The following NBPF9 variants were observed in gnomAD, a reference collection of about 807,000 sequenced individuals.
The protein encoded by NBPF9 is NBPF family member NBPF9.
A neutral mutation model predicts 97.8 loss-of-function variants in NBPF9; 91 were observed. The observed-to-expected ratio is 0.93, with a 90% CI of 0.79 to 1.11. The LOEUF (loss-of-function observed/expected upper bound fraction) is 1.11, where lower values mean the gene tolerates loss of function less well. Among genes scored for constraint, NBPF9 ranks in the 50% least tolerant of loss-of-function variants. The pLI is 0.00. For missense variants in NBPF9, 992 were observed against 939.5 expected (o/e 1.06, Z -0.73); for synonymous variants, 334 against 359.5 (o/e 0.93, Z 0.80).
intron 5 of NBPF9, among the ~76,000 whole-genome samples, chr1:149,089,669 C>T (rs1450292118): frequency 1.3e-5 from 2 of 152,312 alleles, no homozygotes; most frequent in Admixed American, 1.3e-4. Flanking sequence ...AGTCTGTGCT[C>T]ATATTCGGAA....
rs2080674606 is a variant in NBPF9 at position 149,083,154 on chromosome 1, T to C, written c.-194-724A>G. ...GTATATATGCCACTAATTTGTTTGA[T>C]TGTGTTTTTCCCTTGTTTCATTTTG... On this transcript the variant is annotated intron_variant, in intron 5 of 29. Transcript: ENST00000584027. Among the ~76,000 whole-genome samples the C allele has an allele frequency of 3.3e-5, 5 of 149,308 alleles. No individual in the cohort carries two copies. In the South Asian group the frequency reaches 8.7e-4, roughly 26 times the overall value.
At chr1:149,088,130 C>T (rs2081165144) in intron 5 of NBPF9, among the ~76,000 whole-genome samples, 1 of 152,276 alleles carries the variant, frequency 6.6e-6, no homozygotes, top group Non-Finnish European at 1.5e-5. Flanking sequence ...GGTGCCCAGT[C>T]TGTTGAATTT....
At chr1:149,077,114 AAACAAT>A in intron 11 of NBPF9, 88 bp downstream of exon 11, 2 of 735,550 alleles carry the variant, frequency 2.7e-6, no homozygotes, top group Non-Finnish European at 4.6e-6. Context: ...TTTCTGACTA[AAACAAT>A]AACAATATGT....
chr1:149,077,848 C>T (rs782583760), intron 10 of NBPF9, 35 bp downstream of exon 10: 3 of 1,593,406 alleles, frequency 1.9e-6, no homozygotes, highest in Non-Finnish European at 2.6e-6. Context: ...TCATATGTTA[C>T]CACCCATTAC....
intron 19 of NBPF9, among the ~76,000 whole-genome samples, chr1:149,064,178 T>G (rs587594378): frequency 7.2e-5 from 10 of 139,766 alleles, no homozygotes; most frequent in African/African-American, 2.8e-4. Context: ...TGTGCTCAAG[T>G]TTCCCTGCAG....
At chr1:149,086,325 T>A (rs2080997348) in intron 5 of NBPF9, among the ~76,000 whole-genome samples, 1 of 150,470 alleles carries the variant, frequency 6.6e-6, no homozygotes, top group African/African-American at 2.4e-5. Context: ...GGCTGGAATG[T>A]AACAAAAGCC....
At chr1:149,069,614 T>C in exon 17 of NBPF9, 1 of 757,346 alleles carries the variant, frequency 1.3e-6, no homozygotes, top group Non-Finnish European at 2.4e-6. Context: ...CTGGCCCTTT[T>C]TCTTCCTCTT....
intron 5 of NBPF9, among the ~76,000 whole-genome samples, chr1:149,086,224 C>T (rs1285491151): frequency 6.7e-6 from 1 of 149,576 alleles, no homozygotes; most frequent in African/African-American, 2.4e-5. Context: ...CTAACACAGG[C>T]CTCCCTAACA....
chr1:149,095,696 T>G (rs1169473767), intron 4 of NBPF9, among the ~76,000 whole-genome samples: 90 of 149,928 alleles, frequency 6.0e-4, no homozygotes, highest in African/African-American at 2.0e-3. Flanking sequence ...AATAAGCATA[T>G]GAGAAAGATG....
chr1:149,087,402 G>A (rs1158845547), intron 5 of NBPF9, among the ~76,000 whole-genome samples: 1 of 150,460 alleles, frequency 6.6e-6, no homozygotes. Flanking sequence ...GAATCAATTA[G>A]ACATACATGT....
exon 16 of NBPF9, chr1:149,071,090 C>T (rs1463288210): frequency 1.2e-6 from 2 of 1,609,552 alleles, no homozygotes; most frequent in East Asian, 4.5e-5. Context: ...ATGGCACATT[C>T]CTCCAGTGAG....
intron 4 of NBPF9, among the ~76,000 whole-genome samples, chr1:149,094,216 T>C (rs1575876581): frequency 6.8e-6 from 1 of 148,070 alleles, no homozygotes; most frequent in East Asian, 2.0e-4. Context: ...TCAATTTTAA[T>C]AGCAGATTTT....
chr1:149,069,165 A>G (rs1456172215), intron 17 of NBPF9, among the ~76,000 whole-genome samples: 13 of 151,136 alleles, frequency 8.6e-5, no homozygotes, highest in Non-Finnish European at 1.6e-4. Context: ...CCACAAGAGA[A>G]AGCAGAAAAG....
chr1:149,102,758 C>T (rs74693409), exon 2 of NBPF9: 11 of 152,088 alleles, frequency 7.2e-5, no homozygotes, highest in East Asian at 5.8e-4. Context: ...TAGAGGCCTG[C>T]CCCGCTAGTC....
At chr1:149,101,903 G>T (rs2082166699) in intron 2 of NBPF9, among the ~76,000 whole-genome samples, 1 of 140,926 alleles carries the variant, frequency 7.1e-6, no homozygotes, top group Non-Finnish European at 1.6e-5. Flanking sequence ...GGTTCACTTG[G>T]TAAAAATTCA....
At position 149,076,508 on chromosome 1, in the gene NBPF9, T is replaced by A. The variant is rs587743228; in HGVS notation, c.779-644A>T. ...AGCGCCCCTGGTCAGAGACTTTATT[T>A]TTTTTTTTTTTTGAGATGGAGTCTC... On this transcript the variant is annotated intron_variant, in intron 11 of 29. Transcript: ENST00000584027. 3.5e-4 allele frequency among the ~76,000 whole-genome samples: 52 copies of A among 147,312 alleles called. 2 individuals are homozygous for A. The East Asian group carries it at 7.6e-3, about 22-fold the overall frequency.
exon 30 of NBPF9, chr1:149,055,569 CA>C: frequency 1.9e-6 from 3 of 1,564,080 alleles, no homozygotes; most frequent in Non-Finnish European, 2.6e-6. Flanking sequence ...TCTGGGCTTC[CA>C]AATGGAACTG....
Position 149,062,783 on chromosome 1 carries a change from A to G in NBPF9, c.2078+79T>C, listed in dbSNP as rs1377700447. On this transcript the variant is annotated intron_variant, in intron 21 of 29. Transcript: ENST00000584027. ...AACCTCCGTTGAAAACATGAAATTG[A>G]ACACACTCTTGTTTTCCCTGGACCT... 4.2e-5 allele frequency: 32 copies of G among 771,032 alleles called. No individual in the cohort carries two copies. In the African/African-American group the frequency reaches 4.6e-4, roughly 11 times the overall value. 47.8% of individuals were successfully genotyped at this position (771,032 alleles called of 1,614,324 possible). A position where few individuals can be genotyped will look rare whatever the true frequency, so the allele number is the denominator to read the frequency against.
At chr1:149,098,511 T>C (rs2081938799) in exon 4 of NBPF9, 2 of 1,522,594 alleles carry the variant, frequency 1.3e-6, no homozygotes, top group Non-Finnish European at 1.8e-6. Context: ...TGGGGAAGTT[T>C]CTACATCAGT....
Sources: allele counts gnomAD v4.1 joint callset (sites outside exome capture counted in the v4.1 genomes callset), GRCh38; gene constraint gnomAD v4.1.1; transcripts MANE v1.5; gene names NCBI Gene and HGNC (gene_info 2026-07-23, HGNC 2026-07-21).